The following CACNA2D3 variants were observed in gnomAD, a reference collection of about 807,000 sequenced individuals.
The protein encoded by CACNA2D3 is calcium voltage-gated channel auxiliary subunit alpha2delta 3, also known as voltage-dependent calcium channel subunit alpha-2/delta-3.
CACNA2D3 carries 60 observed loss-of-function variants against 160.6 expected under a neutral mutation model. The observed-to-expected ratio is 0.37, with a 90% CI of 0.30 to 0.46. CACNA2D3 has a LOEUF of 0.46. Ranked by LOEUF, CACNA2D3 falls within the 20% of genes least tolerant of loss-of-function variation. The pLI is 1.00. For missense variants in CACNA2D3, 1,205 were observed against 1,365.0 expected (o/e 0.88, Z 1.85); for synonymous variants, 558 against 492.9 (o/e 1.13, Z -1.75).
chr3:54,186,814 C>T (rs1448441295), intron 2 of CACNA2D3, among the ~76,000 whole-genome samples: 1 of 152,148 alleles, frequency 6.6e-6, no homozygotes, highest in Non-Finnish European at 1.5e-5. Context: ...AGATCCAACC[C>T]AAAATGCTCA....
intron 2 of CACNA2D3, among the ~76,000 whole-genome samples, chr3:54,165,788 A>T (rs71301870): frequency 0.06 from 9,128 of 151,956 alleles, 400 homozygotes; most frequent in South Asian, 0.17. Flanking sequence ...ACAGAATGAG[A>T]CCCTGTCTCT....
chr3:54,670,426 G>A (rs1700138784), intron 11 of CACNA2D3, among the ~76,000 whole-genome samples: 1 of 152,138 alleles, frequency 6.6e-6, no homozygotes, highest in Non-Finnish European at 1.5e-5. Flanking sequence ...AGATGGGCTG[G>A]ACCATAATGA....
chr3:54,314,269 A>G (rs896665388), intron 2 of CACNA2D3, among the ~76,000 whole-genome samples: 1 of 152,224 alleles, frequency 6.6e-6, no homozygotes, highest in African/African-American at 2.4e-5. Flanking sequence ...ATATTCCATC[A>G]TATATCTATA....
intron 9 of CACNA2D3, among the ~76,000 whole-genome samples, chr3:54,613,349 G>A (rs187923109): frequency 6.6e-6 from 1 of 152,262 alleles, no homozygotes; most frequent in Admixed American, 6.5e-5. Context: ...TGTTTCCCTT[G>A]GTAGTGACTG....
At chr3:54,993,885 AGT>A (rs34012508) in intron 31 of CACNA2D3, among the ~76,000 whole-genome samples, 20,094 of 111,234 alleles carry the variant, frequency 0.18, 1,554 homozygotes, top group Admixed American at 0.23. Context: ...TGCAACTGCT[AGT>A]GTGTGTGTGT....
Position 55,033,073 on chromosome 3 carries a change from G to T in CACNA2D3, c.2987+14756G>T, listed in dbSNP as rs3773551. Reference sequence around the variant, plus strand: ...AGCTCAGATTCCCAAGAGCTGAAAGGCAACTTTGTGATTTTCCTTAGGAAA... The same window carrying T: ...AGCTCAGATTCCCAAGAGCTGAAAGTCAACTTTGTGATTTTCCTTAGGAAA... On this transcript the variant is annotated intron_variant, in intron 35 of 37. Coordinates refer to ENST00000474759, the MANE Select transcript of CACNA2D3 (RefSeq NM_018398.3). 7.2e-4 allele frequency among the ~76,000 whole-genome samples: 109 copies of T among 151,956 alleles called. 1 individual carries two copies. In the East Asian group the frequency reaches 0.017, roughly 23 times the overall value.
chr3:54,214,594 G>A lies in CACNA2D3; in HGVS notation c.204+91000G>A, dbSNP rs116326581. 5.0e-3 allele frequency among the ~76,000 whole-genome samples: 762 copies of A among 152,236 alleles called. 4 individuals carry two copies. Among genetic ancestry groups the A allele is most frequent in the African/African-American group, 0.017 (699 of 41,534 alleles). Reference sequence around the variant, plus strand: ...GTGCTTTTTGCTGTAGATTGCATGAGGAACTGACAGAGAGGTGTGGTTGGT... The same window carrying A: ...GTGCTTTTTGCTGTAGATTGCATGAAGAACTGACAGAGAGGTGTGGTTGGT... On this transcript the variant is annotated intron_variant, in intron 2 of 37. Coordinates refer to ENST00000474759, the MANE Select transcript of CACNA2D3 (RefSeq NM_018398.3).
intron 27 of CACNA2D3, among the ~76,000 whole-genome samples, chr3:54,949,782 T>C (rs957925455): frequency 2.8e-5 from 4 of 140,962 alleles, no homozygotes; most frequent in African/African-American, 1.0e-4. Context: ...GATGCATCCT[T>C]AGGCTCCTGG....
intron 27 of CACNA2D3, among the ~76,000 whole-genome samples, chr3:54,909,171 AAT>A (rs1004407327): frequency 6.6e-6 from 1 of 152,172 alleles, no homozygotes; most frequent in Non-Finnish European, 1.5e-5. Flanking sequence ...GCTTTCTAAA[AAT>A]ATATGTTTTC....
chr3:54,463,613 T>G (rs1021331664), intron 4 of CACNA2D3, among the ~76,000 whole-genome samples: 1 of 152,250 alleles, frequency 6.6e-6, no homozygotes, highest in African/African-American at 2.4e-5. Context: ...GCCTTGGCTT[T>G]CAGCTCCATC....
intron 11 of CACNA2D3, among the ~76,000 whole-genome samples, chr3:54,739,648 T>C (rs1216898829): frequency 2.6e-5 from 4 of 151,940 alleles, no homozygotes; most frequent in South Asian, 2.1e-4. Context: ...GCTGGGGCCA[T>C]AGAGTCCAAG....
intron 2 of CACNA2D3, among the ~76,000 whole-genome samples, chr3:54,139,201 A>G (rs974710738): frequency 2.0e-5 from 3 of 152,192 alleles, no homozygotes; most frequent in Non-Finnish European, 4.4e-5. Context: ...GATGGGTGGC[A>G]CTTGGTTCTG....
At chr3:54,132,184 G>A (rs1576947081) in intron 2 of CACNA2D3, among the ~76,000 whole-genome samples, 1 of 152,202 alleles carries the variant, frequency 6.6e-6, no homozygotes, top group South Asian at 2.1e-4. Flanking sequence ...ATAGTCATTT[G>A]ACTTCTGGAA....
rs941192792 is a variant in CACNA2D3 at position 55,050,004 on chromosome 3, C to T, written c.2988-23441C>T. ...TTTTGAGCCTATGTGTGTCTCTGCA[C>T]GTGAGATGGGTTTCCTGAATACAGC... is the stretch of plus-strand genomic sequence containing the variant. On this transcript the variant is annotated intron_variant, in intron 35 of 37. Coordinates refer to ENST00000474759, the MANE Select transcript of CACNA2D3 (RefSeq NM_018398.3). Among the ~76,000 whole-genome samples the T allele has an allele frequency of 2.1e-4, 32 of 150,942 alleles. 1 individual carries two copies. The highest frequency in any genetic ancestry group is 6.8e-3 in the Middle Eastern group (2 of 292).
intron 2 of CACNA2D3, among the ~76,000 whole-genome samples, chr3:54,179,111 C>G (rs1210292928): frequency 6.6e-6 from 1 of 152,114 alleles, no homozygotes; most frequent in African/African-American, 2.4e-5. Context: ...CATAGCTCAT[C>G]CTGAGAAGGT....
intron 4 of CACNA2D3, among the ~76,000 whole-genome samples, chr3:54,460,306 G>A (rs1191698759): frequency 6.6e-6 from 1 of 152,108 alleles, no homozygotes; most frequent in Non-Finnish European, 1.5e-5. Flanking sequence ...TTCCAATTCT[G>A]TGAAGAAAGT....
intron 27 of CACNA2D3, among the ~76,000 whole-genome samples, chr3:54,959,452 T>C (rs1701979938): frequency 6.6e-6 from 1 of 152,224 alleles, no homozygotes; most frequent in Admixed American, 6.5e-5. Context: ...ATTTTAGTGC[T>C]ATTTTATATT....
intron 2 of CACNA2D3, among the ~76,000 whole-genome samples, chr3:54,190,181 C>T (rs1700954071): frequency 6.6e-6 from 1 of 152,194 alleles, no homozygotes; most frequent in African/African-American, 2.4e-5. Context: ...ATCTAATCAT[C>T]CTCCAAAGGC....
At chr3:54,458,229 C>T (rs1166605060) in intron 4 of CACNA2D3, among the ~76,000 whole-genome samples, 30 of 151,982 alleles carry the variant, frequency 2.0e-4, no homozygotes, top group Non-Finnish European at 2.9e-5. Context: ...ATTCTTTTCT[C>T]TTACTTCTAT....
Sources: allele counts gnomAD v4.1 joint callset (sites outside exome capture counted in the v4.1 genomes callset), GRCh38; gene constraint gnomAD v4.1.1; transcripts MANE v1.5; gene names NCBI Gene and HGNC (gene_info 2026-07-23, HGNC 2026-07-21).